LRRN1: variants seen among roughly 807,000 people sequenced by gnomAD.
LRRN1 encodes the protein leucine-rich repeat neuronal protein 1.
LRRN1 carries 14 observed loss-of-function variants against 45.8 expected under a neutral mutation model. That is an observed-to-expected ratio of 0.31 (90% CI 0.20 to 0.48). The LOEUF (loss-of-function observed/expected upper bound fraction) is 0.48, where lower values mean the gene tolerates loss of function less well. Ranked by LOEUF, LRRN1 falls within the 20% of genes least tolerant of loss-of-function variation. The pLI is 0.99. For synonymous variants in LRRN1, 359 were observed against 330.1 expected (o/e 1.09, Z -0.95); for missense variants, 789 against 874.2 (o/e 0.90, Z 1.23).
chr3:3,835,441 A>G (rs1693487710), intron 1 of LRRN1, among the ~76,000 whole-genome samples: 1 of 152,152 alleles, frequency 6.6e-6, no homozygotes, highest in Admixed American at 6.5e-5. Flanking sequence ...AAGTCAAAAA[A>G]TTGTAAGTTG....
At chr3:3,817,961 A>G (rs527389018) in intron 1 of LRRN1, among the ~76,000 whole-genome samples, 1 of 152,362 alleles carries the variant, frequency 6.6e-6, no homozygotes, top group African/African-American at 2.4e-5. Context: ...TCAGCATCCA[A>G]AAATCTATGG....
Position 3,846,123 on chromosome 3 carries a change from A to G in LRRN1, c.1482A>G (p.Ser494=), listed in dbSNP as rs138918718. Residue 494 remains serine (S), a synonymous_variant, in exon 2 of 2, where the codon TCA becomes TCG. Transcript: ENST00000319331. This position sits in a 1 kb window ranked among gnomAD's most constrained non-coding sequence, Gnocchi z 5.7. ...LEISNIQIED[S]GRYTCVAQNV... ...TATCTAACATACAAATTGAAGACTC[A>G]GGAAGATACACATGTGTTGCCCAGA... 4 of 1,613,998 alleles carry G rather than the reference A, an allele frequency of 2.5e-6. No individual in the cohort carries two copies. In the African/African-American group the frequency reaches 4.0e-5, roughly 16 times the overall value.
At chr3:3,835,887 A>G (rs548016050) in intron 1 of LRRN1, among the ~76,000 whole-genome samples, 3 of 152,228 alleles carry the variant, frequency 2.0e-5, no homozygotes, top group East Asian at 1.9e-4. Flanking sequence ...GAAGCATCAA[A>G]TGTAATGTAT....
At chr3:3,809,396 G>T (rs1421518339) in intron 1 of LRRN1, among the ~76,000 whole-genome samples, 1 of 152,106 alleles carries the variant, frequency 6.6e-6, no homozygotes, top group Non-Finnish European at 1.5e-5. Flanking sequence ...CACCTGCCTC[G>T]GTCTCCCAAA....
chr3:3,807,701 A>T (rs1205614647), intron 1 of LRRN1, among the ~76,000 whole-genome samples: 1 of 152,164 alleles, frequency 6.6e-6, no homozygotes, highest in Non-Finnish European at 1.5e-5. Context: ...GTTAGGTAGG[A>T]CTTCAACCAT....
intron 1 of LRRN1, among the ~76,000 whole-genome samples, chr3:3,842,764 T>C (rs1291044151): frequency 6.6e-6 from 1 of 152,188 alleles, no homozygotes; most frequent in Non-Finnish European, 1.5e-5. Context: ...AGGAAACATG[T>C]AACTCTGCTT....
At chr3:3,803,143 G>A (rs1391121432) in intron 1 of LRRN1, among the ~76,000 whole-genome samples, 1 of 152,170 alleles carries the variant, frequency 6.6e-6, no homozygotes, top group Non-Finnish European at 1.5e-5. Flanking sequence ...ATCTCTCTCT[G>A]GTTAGTCTGT....
rs1444468479 is a variant in LRRN1, at chr3:3,845,773, G to A, written c.1132G>A (p.Val378Met). Residue 378 changes from valine to methionine, a missense_variant, in exon 2 of 2, where the codon GTG becomes ATG. By Grantham distance (21) the Val-to-Met change is conservative. Transcript: ENST00000319331. This position sits in a 1 kb window ranked among gnomAD's most constrained non-coding sequence, Gnocchi z 6.5. ...IHSNPLRCDC[V>M]IHWINSNKTN... ...TAGCAATCCCCTCAGGTGTGACTGT[G>A]TGATCCACTGGATTAACTCCAACAA... 6.8e-6 allele frequency: 11 copies of A among 1,613,988 alleles called. No individual in the cohort carries two copies. Among genetic ancestry groups the A allele is most frequent in the Non-Finnish European group, 9.3e-6 (11 of 1,180,038 alleles).
At chr3:3,834,525 G>GACATATATATATATATATGATATAT (rs750534210) in intron 1 of LRRN1, among the ~76,000 whole-genome samples, 1 of 27,310 alleles carries the variant, frequency 3.7e-5, no homozygotes, top group African/African-American at 8.6e-5. Flanking sequence ...GACAGAACAG[G>GACATATATATATATATATGATATAT]ATATATATAT....
intron 1 of LRRN1, among the ~76,000 whole-genome samples, chr3:3,833,369 A>G (rs1397406852): frequency 6.6e-6 from 1 of 152,204 alleles, no homozygotes; most frequent in Non-Finnish European, 1.5e-5. Flanking sequence ...AATCTTTTCA[A>G]CTTCCTGAGC....
chr3:3,839,964 T>C (rs1428712424), intron 1 of LRRN1, among the ~76,000 whole-genome samples: 1 of 152,172 alleles, frequency 6.6e-6, no homozygotes, highest in Non-Finnish European at 1.5e-5. Flanking sequence ...GAATGCCTTT[T>C]ATTTATTTTT....
intron 1 of LRRN1, among the ~76,000 whole-genome samples, chr3:3,806,958 A>G (rs914356020): frequency 6.6e-6 from 1 of 152,164 alleles, no homozygotes; most frequent in African/African-American, 2.4e-5. Flanking sequence ...ATAAGACCTG[A>G]GACTCCTGTC....
At chr3:3,810,234 A>C (rs1392944500) in intron 1 of LRRN1, among the ~76,000 whole-genome samples, 1 of 152,148 alleles carries the variant, frequency 6.6e-6, no homozygotes, top group Non-Finnish European at 1.5e-5. Context: ...AAATAAAGAG[A>C]ATAGGTTAGG....
intron 1 of LRRN1, among the ~76,000 whole-genome samples, chr3:3,803,872 T>C (rs533933161): frequency 6.6e-6 from 1 of 152,306 alleles, no homozygotes; most frequent in Admixed American, 6.5e-5. Flanking sequence ...TTCACCTGCT[T>C]TACAGATCTG....
rs2106475072 is a variant in LRRN1 at position 3,849,116 on chromosome 3, T to C, written c.*2324T>C. On this transcript the variant is annotated 3_prime_UTR_variant, in exon 2 of 2. Coordinates refer to ENST00000319331, the MANE Select transcript of LRRN1 (RefSeq NM_020873.7). Reference sequence around the variant, plus strand: ...ATGAAAATGGATGGCACTGATGCATTAGACCCTCAGCAGCCTGCAATTGCA... The same window carrying C: ...ATGAAAATGGATGGCACTGATGCATCAGACCCTCAGCAGCCTGCAATTGCA... 6.6e-6 allele frequency among the ~76,000 whole-genome samples: 1 copy of C among 152,338 alleles called. No individual in the cohort carries two copies. Among genetic ancestry groups the C allele is most frequent in the South Asian group, 2.1e-4 (1 of 4,832 alleles).
intron 1 of LRRN1, among the ~76,000 whole-genome samples, chr3:3,804,372 T>A (rs1281881905): frequency 2.0e-5 from 3 of 152,200 alleles, no homozygotes; most frequent in African/African-American, 7.2e-5. Context: ...AACATCAACA[T>A]TTAACTTATA....
chr3:3,815,071 C>T (rs931322958), intron 1 of LRRN1, among the ~76,000 whole-genome samples: 1 of 152,168 alleles, frequency 6.6e-6, no homozygotes, highest in South Asian at 2.1e-4. Context: ...AGCATAAAGG[C>T]CCTCCATATC....
chr3:3,842,215 ACTTT>A (rs1693666870), intron 1 of LRRN1, among the ~76,000 whole-genome samples: 1 of 152,068 alleles, frequency 6.6e-6, no homozygotes. Flanking sequence ...CATTGGCCAA[ACTTT>A]CTTTATGGTG....
intron 1 of LRRN1, among the ~76,000 whole-genome samples, chr3:3,831,320 C>G (rs887778293): frequency 3.9e-5 from 6 of 152,222 alleles, no homozygotes; most frequent in Non-Finnish European, 8.8e-5. Flanking sequence ...CACCACTGGA[C>G]CCCTAAAAAT....
Sources: allele counts gnomAD v4.1 joint callset (sites outside exome capture counted in the v4.1 genomes callset), GRCh38; gene constraint gnomAD v4.1.1; non-coding constraint Gnocchi (gnomAD v3.1); transcripts MANE v1.5; gene names NCBI Gene and HGNC (gene_info 2026-07-23, HGNC 2026-07-21).